GRM8: variants seen among roughly 807,000 people sequenced by gnomAD.
The protein encoded by GRM8 is glutamate metabotropic receptor 8.
Under a neutral mutation model 87.2 loss-of-function variants are expected in GRM8, and 47 were observed. The observed-to-expected ratio is 0.54, with a 90% CI of 0.43 to 0.69. GRM8 has a LOEUF of 0.69. GRM8 is among the 30% of genes least tolerant of loss of function. The probability of loss-of-function intolerance (pLI) is 0.00; values close to 1 mark genes in which losing one functional copy is unlikely to be tolerated. For missense variants in GRM8, 1,019 were observed against 1,139.2 expected, an observed-to-expected ratio of 0.89 and a Z score of 1.52; for synonymous variants, 396 against 404.5, an observed-to-expected ratio of 0.98 and a Z score of 0.25.
intron 6 of GRM8, among the ~76,000 whole-genome samples, chr7:126,810,812 G>A (rs552036711): frequency 1.4e-4 from 22 of 152,060 alleles, no homozygotes; most frequent in African/African-American, 2.4e-4. Context: ...ATTTGTTGGC[G>A]GATGTCTCAA....
intron 2 of GRM8, among the ~76,000 whole-genome samples, chr7:127,163,916 A>G (rs970261722): frequency 1.3e-5 from 2 of 152,136 alleles, no homozygotes; most frequent in African/African-American, 2.4e-5. Flanking sequence ...AGGAGGAATG[A>G]GCAGAGAATA....
intron 6 of GRM8, among the ~76,000 whole-genome samples, chr7:126,867,652 C>CA (rs1232529736): frequency 1.3e-5 from 2 of 151,572 alleles, no homozygotes; most frequent in Admixed American, 6.6e-5. Context: ...TCAGTTGGAA[C>CA]AAAAAATAAC....
chr7:126,497,836 G>A (rs542712735), intron 9 of GRM8, among the ~76,000 whole-genome samples: 42 of 152,052 alleles, frequency 2.8e-4, no homozygotes, highest in African/African-American at 1.0e-3. Context: ...AAAACGGAGG[G>A]AGAAATGGGC....
At chr7:126,614,421 TG>T (rs1190475267) in intron 7 of GRM8, among the ~76,000 whole-genome samples, 1 of 151,846 alleles carries the variant, frequency 6.6e-6, no homozygotes, top group African/African-American at 2.4e-5. Context: ...ACCACAAAGA[TG>T]GGGAAAAAAC....
At chr7:127,103,262 C>A (rs536118601) in intron 3 of GRM8, among the ~76,000 whole-genome samples, 1 of 152,290 alleles carries the variant, frequency 6.6e-6, no homozygotes, top group Admixed American at 6.5e-5. Context: ...TTATCCCCAC[C>A]CAAATCTCAT....
intron 2 of GRM8, among the ~76,000 whole-genome samples, chr7:127,132,755 T>C (rs901021973): frequency 2.6e-5 from 4 of 152,030 alleles, no homozygotes; most frequent in African/African-American, 9.7e-5. Flanking sequence ...GATGTAATTA[T>C]GCCAAGAAAT....
At chr7:126,844,238 G>A (rs1045059371) in intron 6 of GRM8, among the ~76,000 whole-genome samples, 3 of 152,116 alleles carry the variant, frequency 2.0e-5, no homozygotes, top group African/African-American at 4.8e-5. Flanking sequence ...AAATTTTAGT[G>A]TACAAAAGAG....
chr7:126,715,249 G>T (rs1399279721), intron 7 of GRM8, among the ~76,000 whole-genome samples: 2 of 152,152 alleles, frequency 1.3e-5, no homozygotes, highest in African/African-American at 4.8e-5. Context: ...ATGTGGAGAT[G>T]ATTAGCATCA....
intron 7 of GRM8, among the ~76,000 whole-genome samples, chr7:126,632,889 G>A: frequency 6.6e-6 from 1 of 152,074 alleles, no homozygotes; most frequent in Non-Finnish European, 1.5e-5. Flanking sequence ...AGATGGTAGA[G>A]GATAGGAGGA....
At chr7:127,072,826 A>G (rs1821851744) in intron 3 of GRM8, among the ~76,000 whole-genome samples, 1 of 151,864 alleles carries the variant, frequency 6.6e-6, no homozygotes, top group East Asian at 1.9e-4. Context: ...CTTAAACATT[A>G]TTTTTAGGGA....
rs202178610 is a variant in GRM8 at position 127,157,821 on chromosome 7, C to G, written c.511-51109G>C. Among the ~76,000 whole-genome samples the G allele has an allele frequency of 3.3e-5, 5 of 152,216 alleles. No individual in the cohort carries two copies. The East Asian group carries it at 5.8e-4, about 18-fold the overall frequency. Reference sequence around the variant, plus strand: ...TTCACACGCAAAACAATACCACAGACTTAACAAGGTTACACACATTATGTA... The same window carrying G: ...TTCACACGCAAAACAATACCACAGAGTTAACAAGGTTACACACATTATGTA... On this transcript the variant is annotated intron_variant, in intron 2 of 10. Coordinates refer to ENST00000339582, the MANE Select transcript of GRM8 (RefSeq NM_000845.3).
At chr7:126,494,541 A>G (rs1584810753) in intron 9 of GRM8, among the ~76,000 whole-genome samples, 1 of 152,044 alleles carries the variant, frequency 6.6e-6, no homozygotes, top group African/African-American at 2.4e-5. Flanking sequence ...CCAGAGAAGA[A>G]GCATAGTAAC....
chr7:127,246,670 G>C (rs1362835035), intron 1 of GRM8, among the ~76,000 whole-genome samples: 1 of 152,178 alleles, frequency 6.6e-6, no homozygotes, highest in Non-Finnish European at 1.5e-5. Flanking sequence ...ACTCCTGGAA[G>C]CAGGCACCCT....
rs563418168 is a variant in GRM8, at chr7:126,446,371, A to C, written c.2432T>G (p.Met811Arg). ...FFGTAQSAEK[M>R]YIQTTTLTVS... ...AGTAAGTGTTGTTGTCTGGATGTAC[A>C]TCTGAGGGAAGAAAAAAAAAAGAAT... is the stretch of plus-strand genomic sequence containing the variant. The change falls in exon 10 of 11, where the codon ATG becomes AGG. Residue 811 changes from methionine (M) to arginine (R), a missense_variant and splice_region_variant. Met to Arg is a moderately conservative substitution (Grantham distance 91). Coordinates refer to ENST00000339582, the MANE Select transcript of GRM8 (RefSeq NM_000845.3). 11 of 1,582,792 alleles carry C rather than the reference A, an allele frequency of 6.9e-6. No homozygotes were observed. In the South Asian group the frequency reaches 1.1e-4, roughly 16 times the overall value.
At chr7:127,024,181 G>A (rs926048266) in intron 3 of GRM8, among the ~76,000 whole-genome samples, 2 of 152,082 alleles carry the variant, frequency 1.3e-5, no homozygotes, top group African/African-American at 4.8e-5. Flanking sequence ...ATTAACAGCT[G>A]CCACCTCTTC....
chr7:126,993,087 A>G (rs1393890874), intron 3 of GRM8, among the ~76,000 whole-genome samples: 1 of 152,162 alleles, frequency 6.6e-6, no homozygotes, highest in Non-Finnish European at 1.5e-5. Context: ...AGACGACTTG[A>G]GGTTAAAATT....
At position 126,715,660 on chromosome 7, in the gene GRM8, A is replaced by C. The variant is rs188798603; in HGVS notation, c.1357+54205T>G. ...ATTTCCAATACATTTATTGAAAAAAATTCGTGGATAAATGGATCCATGCAG... is the reference window on the plus strand; with the variant it reads ...ATTTCCAATACATTTATTGAAAAAACTTCGTGGATAAATGGATCCATGCAG... On this transcript the variant is annotated intron_variant, in intron 7 of 10. Coordinates refer to ENST00000339582, the MANE Select transcript of GRM8 (RefSeq NM_000845.3). 3.2e-3 allele frequency among the ~76,000 whole-genome samples: 492 copies of C among 152,310 alleles called. 4 individuals carry two copies. The highest frequency in any genetic ancestry group is 0.011 in the African/African-American group (473 of 41,570).
At chr7:127,115,755 G>A (rs1368996146) in intron 2 of GRM8, among the ~76,000 whole-genome samples, 1 of 152,066 alleles carries the variant, frequency 6.6e-6, no homozygotes, top group Admixed American at 6.5e-5. Flanking sequence ...AGTAGTGTGG[G>A]GATTTTTAAG....
intron 7 of GRM8, among the ~76,000 whole-genome samples, chr7:126,710,684 C>T (rs1367750567): frequency 6.6e-6 from 1 of 152,150 alleles, no homozygotes; most frequent in Non-Finnish European, 1.5e-5. Context: ...AAGTCTTGAA[C>T]CCTTTAAATT....
Sources: gnomAD v4.1 joint callset for allele counts (sites outside exome capture counted in the v4.1 genomes callset) on GRCh38, gnomAD v4.1.1 for gene constraint, MANE v1.5 for transcripts, NCBI Gene and HGNC (gene_info 2026-07-23, HGNC 2026-07-21) for gene names.